Variants in PPP1R10 observed in about 807,000 individuals in gnomAD.
PPP1R10 encodes serine/threonine-protein phosphatase 1 regulatory subunit 10.
Under a neutral mutation model 99.0 loss-of-function variants are expected in PPP1R10, and 15 were observed. The ratio of observed to expected loss-of-function variants is 0.15; its 90% CI spans 0.10 to 0.23. The LOEUF is 0.23. Among genes scored for constraint, PPP1R10 ranks in the 10% least tolerant of loss-of-function variants. The probability of loss-of-function intolerance (pLI) is 1.00; values close to 1 mark genes in which losing one functional copy is unlikely to be tolerated. For missense variants in PPP1R10, 947 were observed against 1,259.4 expected (o/e 0.75, Z 3.75); for synonymous variants, 430 against 449.5 (o/e 0.96, Z 0.55).
At chr6:30,607,751 G>GGGACAC in intron 6 of PPP1R10, 89 bp downstream of exon 6, 1 of 1,407,640 alleles carries the variant, frequency 7.1e-7, no homozygotes. Context: ...GAAAAGTGAA[G>GGGACAC]GGACAATCCA....
intron 16 of PPP1R10, 78 bp from the exon 17 acceptor site, chr6:30,603,363 G>A: frequency 6.3e-7 from 1 of 1,575,004 alleles, no homozygotes; most frequent in Non-Finnish European, 8.7e-7. Flanking sequence ...AAAGATTAGG[G>A]GTAAGTGGGT....
intron 2 of PPP1R10, among the ~76,000 whole-genome samples, 193 bp downstream of exon 2, chr6:30,616,285 G>C (rs1391353125): frequency 6.6e-6 from 1 of 152,226 alleles, no homozygotes; most frequent in East Asian, 1.9e-4. Flanking sequence ...GAAGAGATAG[G>C]TGGTAGGGGA....
Position 30,603,724 on chromosome 6 carries a change from G to A in PPP1R10, c.1572+56C>T, listed in dbSNP as rs1582642801. The A allele has an allele frequency of 2.6e-6, 4 of 1,548,914 alleles. No individual in the cohort carries two copies. In the East Asian group the frequency reaches 9.0e-5, roughly 35 times the overall value. ...AGAACAGAGACATTCTCATATGAAA[G>A]ATGCACCGAATTCAATGACCATCAC... is the stretch of plus-strand genomic sequence containing the variant. On this transcript the variant is annotated intron_variant, in intron 15 of 19. Coordinates refer to ENST00000376511, the MANE Select transcript of PPP1R10 (RefSeq NM_002714.4).
At position 30,602,700 on chromosome 6, in the gene PPP1R10, G is replaced by A. The variant is rs775235799; in HGVS notation, c.1958-9C>T. 1.2e-6 allele frequency: 2 copies of A among 1,604,650 alleles called. No individual in the cohort carries two copies. The highest frequency in any genetic ancestry group is 1.7e-6 in the Non-Finnish European group (2 of 1,176,954). ...AGGGCCTCCATGGGGACCTGTAAGG[G>A]GACAAAAAAGAGAGACAGTATCAGC... On this transcript the variant is annotated splice_polypyrimidine_tract_variant and intron_variant, in intron 18 of 19. Transcript: ENST00000376511. This position sits in a 1 kb window ranked among gnomAD's most constrained non-coding sequence, Gnocchi z 6.7.
Position 30,600,618 on chromosome 6 carries a change from GCC to G in PPP1R10, c.*929_*930del. ...TCTTGTTGAATCCACCCAGGAAGGC[GCC>G]TGGTGGGGATTCAGAGGTGGTTGAC... On this transcript the variant is annotated 3_prime_UTR_variant, in exon 20 of 20. Coordinates refer to ENST00000376511, the MANE Select transcript of PPP1R10 (RefSeq NM_002714.4). The G allele has an allele frequency of 6.6e-6, 1 of 152,588 alleles. No individual in the cohort carries two copies. The highest frequency in any genetic ancestry group is 6.6e-5 in the Admixed American group (1 of 15,260). 9.5% of individuals were successfully genotyped at this position (152,588 alleles called of 1,614,324 possible).
rs1225449762 is a variant in PPP1R10, at chr6:30,602,953, T to C, written c.1850A>G (p.His617Arg). ...TATTGGGCCAGGGCCTAGGAGTCCA[T>C]GTGGCACTGTTAATGAAAACAAGAG... ...SDKIKQMLVP[H>R]GLLGPGPIAN... Residue 617 changes from histidine to arginine, a missense_variant, in exon 18 of 20, where the codon CAT becomes CGT. Physicochemically the swap from His to Arg is conservative, Grantham distance 29. Coordinates refer to ENST00000376511, the MANE Select transcript of PPP1R10 (RefSeq NM_002714.4). The surrounding 1 kb of genome is among the most constrained non-coding windows in gnomAD (Gnocchi z 6.7). The C allele has an allele frequency of 8.4e-6, 13 of 1,544,768 alleles. No individual in the cohort carries two copies. In the Admixed American group the frequency reaches 1.0e-4, roughly 12 times the overall value.
intron 2 of PPP1R10, among the ~76,000 whole-genome samples, chr6:30,614,341 G>A (rs1561852984): frequency 6.6e-6 from 1 of 151,872 alleles, no homozygotes; most frequent in Non-Finnish European, 1.5e-5. Context: ...ATACCAGAAA[G>A]GTTTTGCTTA....
chr6:30,602,848 G>C lies in PPP1R10; in HGVS notation c.1955C>G (p.Pro652Arg), dbSNP rs1235126211. Residue 652 changes from proline (P) to arginine (R), a missense_variant and splice_region_variant, in exon 18 of 20, where the codon CCA becomes CGA. Pro to Arg is a moderately radical substitution (Grantham distance 103). Around this residue, in one of 10 missense-constraint regions of PPP1R10, gnomAD observed 525 missense variants for 578.8 expected, o/e 0.91. Coordinates refer to ENST00000376511, the MANE Select transcript of PPP1R10 (RefSeq NM_002714.4). The surrounding 1 kb of genome is among the most constrained non-coding windows in gnomAD (Gnocchi z 6.7). ...CCAACCTTTTACTCACCACCTACCT[G>C]GCATAGGTCCCCCAGGTCCAGGGGG... ...HFPPGPGGPM[P>R]GPHGGPGGPV... 6.4e-7 allele frequency: 1 copy of C among 1,554,134 alleles called. No homozygotes were observed.
rs1412408645 is a variant in PPP1R10 at position 30,609,718 on chromosome 6, T to C, written c.107+120A>G. 17 of 846,870 alleles carry C rather than the reference T, an allele frequency of 2.0e-5. No homozygotes were observed. The East Asian group carries it at 3.8e-4, about 19-fold the overall frequency. The allele number at this position is 846,870 out of a possible 1,614,324, so 52.5% of individuals were successfully genotyped here. A position where few individuals can be genotyped will look rare whatever the true frequency, so the allele number is the denominator to read the frequency against. ...CTAAAATTGTTACATTTTAATCCTA[T>C]TGCACTGACTATCTTTCCCTTTCCT... On this transcript the variant is annotated intron_variant, in intron 3 of 19. Coordinates refer to ENST00000376511, the MANE Select transcript of PPP1R10 (RefSeq NM_002714.4). The surrounding 1 kb of genome is among the most constrained non-coding windows in gnomAD (Gnocchi z 4.5).
chr6:30,602,467 C>G lies in PPP1R10; in HGVS notation c.2182G>C (p.Gly728Arg). 2.5e-6 allele frequency: 4 copies of G among 1,595,682 alleles called. No homozygotes were observed. Among genetic ancestry groups the G allele is most frequent in the Middle Eastern group, 1.7e-4 (1 of 5,964 alleles). ...PPPPFRGARGGRSGGGPPNGR... is the reference protein window; with the variant it reads ...PPPPFRGARGRRSGGGPPNGR... ...TTTGGGGGTCCTCCTCCAGAGCGAC[C>G]TCCTCTGGCGCCTCGGAATGGAGGA... is the stretch of plus-strand genomic sequence containing the variant. Residue 728 changes from glycine (G) to arginine (R), a missense_variant, in exon 19 of 20, where the codon GGT becomes CGT. Around this residue, in one of 10 missense-constraint regions of PPP1R10, gnomAD observed 525 missense variants for 578.8 expected, o/e 0.91. Coordinates refer to ENST00000376511, the MANE Select transcript of PPP1R10 (RefSeq NM_002714.4). The surrounding 1 kb of genome is among the most constrained non-coding windows in gnomAD (Gnocchi z 6.7).
Position 30,604,795 on chromosome 6 carries a change from G to C in PPP1R10, c.955-60C>G. The stretch of plus-strand genomic sequence containing the variant: ...TGGAAAGCCAAGGGCAAGGCAATTA[G>C]TCCAGGGTCCCAGGCACAGTCCCCC... On this transcript the variant is annotated intron_variant, in intron 11 of 19. Coordinates refer to ENST00000376511, the MANE Select transcript of PPP1R10 (RefSeq NM_002714.4). The surrounding 1 kb of genome is among the most constrained non-coding windows in gnomAD (Gnocchi z 7.3). 6.2e-7 allele frequency: 1 copy of C among 1,606,232 alleles called. No homozygotes were observed. Among genetic ancestry groups the C allele is most frequent in the Non-Finnish European group, 8.5e-7 (1 of 1,174,636 alleles).
At chr6:30,610,060 A>G (rs1804398735) in intron 2 of PPP1R10, 105 bp from the exon 3 acceptor site, 2 of 716,698 alleles carry the variant, frequency 2.8e-6, no homozygotes, top group African/African-American at 3.6e-5. Context: ...GACAAAGTAT[A>G]ATGACTAATT....
intron 6 of PPP1R10, 50 bp downstream of exon 6, chr6:30,607,790 A>C: frequency 6.4e-7 from 1 of 1,552,778 alleles, no homozygotes; most frequent in Non-Finnish European, 8.9e-7. Context: ...AAGGTAATTA[A>C]GTGGAAGTAA....
At chr6:30,608,637 G>A in intron 5 of PPP1R10, 142 bp downstream of exon 5, 1 of 1,121,166 alleles carries the variant, frequency 8.9e-7, no homozygotes, top group Non-Finnish European at 1.3e-6. Context: ...TTCAAACCAA[G>A]TCTTCTTCTT....
intron 2 of PPP1R10, among the ~76,000 whole-genome samples, chr6:30,614,021 C>G (rs185665070): frequency 6.6e-6 from 1 of 152,120 alleles, no homozygotes; most frequent in Non-Finnish European, 1.5e-5. Context: ...GTTATACTTT[C>G]CAATTCTGCC....
chr6:30,602,486 T>TGGA lies in PPP1R10; in HGVS notation c.2160_2162dup (p.Pro721dup), dbSNP rs747432159. The TGGA allele has an allele frequency of 1.0e-4, 160 of 1,581,254 alleles. No individual in the cohort carries two copies. The highest frequency in any genetic ancestry group is 7.2e-4 in the Admixed American group (41 of 57,126). ...AGCGACCTCCTCTGGCGCCTCGGAA[T>TGGA]GGAGGAGGAGGAGGAGGAGGTTCGT... On this transcript the variant is annotated inframe_insertion, in exon 19 of 20. Coordinates refer to ENST00000376511, the MANE Select transcript of PPP1R10 (RefSeq NM_002714.4). This position sits in a 1 kb window ranked among gnomAD's most constrained non-coding sequence, Gnocchi z 6.7.
At chr6:30,603,881 T>C (rs375776417) in intron 14 of PPP1R10, 38 bp from the exon 15 acceptor site, 44 of 1,523,168 alleles carry the variant, frequency 2.9e-5, no homozygotes, top group South Asian at 1.2e-4. Context: ...AAAAGAATGA[T>C]AGTCAAGTTA....
At chr6:30,612,861 G>A (rs1030229669) in intron 2 of PPP1R10, among the ~76,000 whole-genome samples, 1 of 152,214 alleles carries the variant, frequency 6.6e-6, no homozygotes, top group African/African-American at 2.4e-5. Flanking sequence ...GGCAGGGGCC[G>A]TGACTAAGTG....
intron 5 of PPP1R10, 78 bp from the exon 6 acceptor site, chr6:30,607,969 TAC>T: frequency 7.2e-7 from 1 of 1,384,122 alleles, no homozygotes; most frequent in South Asian, 1.2e-5. Flanking sequence ...CGACAAAAGT[TAC>T]AGTCCTCCCT....
Sources: gnomAD v4.1 joint callset for allele counts (sites outside exome capture counted in the v4.1 genomes callset) on GRCh38, gnomAD v4.1.1 for gene constraint, gnomAD v4.1.1 regional missense constraint, Gnocchi (gnomAD v3.1) non-coding constraint, MANE v1.5 for transcripts, NCBI Gene and HGNC (gene_info 2026-07-23, HGNC 2026-07-21) for gene names.